COL12A1: variants seen among roughly 807,000 people sequenced by gnomAD.
COL12A1 encodes collagen alpha-1(XII) chain.
A neutral mutation model predicts 349.7 loss-of-function variants in COL12A1; 114 were observed. The observed-to-expected ratio is 0.33, with a 90% CI of 0.28 to 0.38. COL12A1 has a LOEUF of 0.38. COL12A1 is among the 10% of genes least tolerant of loss of function. The pLI is 1.00. For missense variants in COL12A1, 3,284 were observed against 3,756.9 expected, an observed-to-expected ratio of 0.87 and a Z score of 3.29; for synonymous variants, 1,369 against 1,329.0, an observed-to-expected ratio of 1.03 and a Z score of -0.66.
At chr6:75,178,029 C>T (rs1381002019) in intron 11 of COL12A1, 94 bp from the exon 12 acceptor site, 7 of 1,183,278 alleles carry the variant, frequency 5.9e-6, no homozygotes, top group Admixed American at 2.7e-5. Context: ...TAAATTATAC[C>T]ATTTCTCTAA....
Position 75,090,568 on chromosome 6 carries a change from G to C in COL12A1, c.8753-270C>G, listed in dbSNP as rs542949589. ...AAAAGAGTTGTTAAAGTTTAATATG[G>C]CTCTGAAATAAAGTCTTGAGATTTA... On this transcript the variant is annotated intron_variant, in intron 62 of 65. Transcript: ENST00000322507. This position sits in a 1 kb window ranked among gnomAD's most constrained non-coding sequence, Gnocchi z 4.1. 8.5e-5 allele frequency among the ~76,000 whole-genome samples: 13 copies of C among 152,118 alleles called. No homozygotes were observed. Among genetic ancestry groups the C allele is most frequent in the Non-Finnish European group, 1.8e-4 (12 of 68,034 alleles).
chr6:75,105,109 A>T, intron 54 of COL12A1, 97 bp downstream of exon 54: 2 of 978,910 alleles, frequency 2.0e-6, no homozygotes, highest in Non-Finnish European at 3.1e-6. Context: ...GAAAACCTGG[A>T]TGAATTGAAG....
rs911094494 is a variant in COL12A1 at position 75,178,398 on chromosome 6, C to T, written c.2165-463G>A. 5.9e-5 allele frequency among the ~76,000 whole-genome samples: 9 copies of T among 152,216 alleles called. No individual in the cohort carries two copies. In the East Asian group the frequency reaches 1.2e-3, roughly 20 times the overall value. The stretch of plus-strand genomic sequence containing the variant: ...CCCAACCAAACCGTCTTATCCAGTC[C>T]GTCCCACACTAACTTTTTATCTGTA... On this transcript the variant is annotated intron_variant, in intron 11 of 65. Transcript: ENST00000322507.
chr6:75,190,649 T>C (rs1769880924), intron 5 of COL12A1, among the ~76,000 whole-genome samples: 1 of 151,954 alleles, frequency 6.6e-6, no homozygotes. Flanking sequence ...AAATCTGTAT[T>C]TGTAATGCAA....
chr6:75,142,398 T>A (rs1228931889), intron 26 of COL12A1, among the ~76,000 whole-genome samples: 1 of 152,220 alleles, frequency 6.6e-6, no homozygotes, highest in Admixed American at 6.5e-5. Flanking sequence ...AATTACTGCC[T>A]ATGTATTCAA....
At chr6:75,137,373 G>C in intron 31 of COL12A1, 64 bp downstream of exon 31, 1 of 1,432,426 alleles carries the variant, frequency 7.0e-7, no homozygotes, top group South Asian at 1.3e-5. Flanking sequence ...GCACTGAGGG[G>C]GAAAAAGAGT....
At chr6:75,174,425 G>A (rs989116162) in intron 13 of COL12A1, among the ~76,000 whole-genome samples, 4 of 152,224 alleles carry the variant, frequency 2.6e-5, no homozygotes, top group African/African-American at 7.2e-5. Context: ...GCGTGGTGGC[G>A]GGCGCCTGTA....
chr6:75,140,856 G>A (rs1342725307), intron 27 of COL12A1, among the ~76,000 whole-genome samples: 2 of 151,956 alleles, frequency 1.3e-5, no homozygotes, highest in Non-Finnish European at 1.5e-5. Context: ...TAAATTTCTA[G>A]ACCTGTGCTG....
chr6:75,162,207 C>A (rs1768059177), intron 14 of COL12A1, among the ~76,000 whole-genome samples: 1 of 152,032 alleles, frequency 6.6e-6, no homozygotes, highest in South Asian at 2.1e-4. Context: ...ATCCTACCCA[C>A]AAAGAACAAA....
intron 32 of COL12A1, 79 bp from the exon 33 acceptor site, chr6:75,134,076 C>T: frequency 1.3e-6 from 2 of 1,487,186 alleles, no homozygotes. Flanking sequence ...TGATATCTCC[C>T]AGGCACCCTA....
intron 5 of COL12A1, among the ~76,000 whole-genome samples, chr6:75,190,685 T>C (rs1238621211): frequency 6.6e-6 from 1 of 151,920 alleles, no homozygotes; most frequent in African/African-American, 2.4e-5. Flanking sequence ...CTGATGATGA[T>C]TTTGTTCTTG....
At chr6:75,159,347 A>C (rs1015723032) in intron 14 of COL12A1, among the ~76,000 whole-genome samples, 1 of 149,590 alleles carries the variant, frequency 6.7e-6, no homozygotes, top group Non-Finnish European at 1.5e-5. Flanking sequence ...AAATTTATTT[A>C]GATTAATCAT....
intron 5 of COL12A1, 74 bp downstream of exon 5, chr6:75,191,627 A>G: frequency 1.0e-6 from 1 of 964,514 alleles, no homozygotes; most frequent in South Asian, 1.8e-5. Context: ...CTATGTATAT[A>G]ATTGGAACAT....
intron 54 of COL12A1, 143 bp downstream of exon 54, chr6:75,105,063 A>G: frequency 1.7e-6 from 1 of 579,358 alleles, no homozygotes; most frequent in South Asian, 2.8e-5. Context: ...CAAATATACT[A>G]AAAAGATGGT....
chr6:75,189,938 G>C, intron 5 of COL12A1, 123 bp from the exon 6 acceptor site: 1 of 1,044,440 alleles, frequency 9.6e-7, no homozygotes, highest in Non-Finnish European at 1.4e-6. Context: ...TTCACCAATT[G>C]TTCTTCACCC....
At position 75,087,817 on chromosome 6, in the gene COL12A1, T is replaced by A. The variant is rs1582026246; in HGVS notation, c.9011-70A>T. On this transcript the variant is annotated intron_variant, in intron 64 of 65. Coordinates refer to ENST00000322507, the MANE Select transcript of COL12A1 (RefSeq NM_004370.6). ...CAACTCCTGAGGTAGCCACCAATAC[T>A]TTAAGTGGCACCTCCACTGTCTCAA... is the stretch of plus-strand genomic sequence containing the variant. 6 of 1,480,570 alleles carry A rather than the reference T, an allele frequency of 4.1e-6. No individual in the cohort carries two copies. The East Asian group carries it at 1.2e-4, about 29-fold the overall frequency. 91.7% of individuals were successfully genotyped at this position (1,480,570 alleles called of 1,614,324 possible). A position where few individuals can be genotyped will look rare whatever the true frequency, so the allele number is the denominator to read the frequency against.
intron 56 of COL12A1, among the ~76,000 whole-genome samples, chr6:75,102,339 A>G (rs1198694854): frequency 6.6e-6 from 1 of 152,238 alleles, no homozygotes; most frequent in Non-Finnish European, 1.5e-5. Flanking sequence ...AGTTTAACAT[A>G]GGGGATATCT....
rs1766809028 is a variant in COL12A1, at chr6:75,139,926, A to G, written c.4958-965T>C. The stretch of plus-strand genomic sequence containing the variant: ...TCTCTATTTTCTGGTAACCAAAGCT[A>G]ATTACACAAACCCCAGAGCCATTAA... On this transcript the variant is annotated intron_variant, in intron 27 of 65. Coordinates refer to ENST00000322507, the MANE Select transcript of COL12A1 (RefSeq NM_004370.6). Among the ~76,000 whole-genome samples, 4 of 152,178 alleles carry G rather than the reference A, an allele frequency of 2.6e-5. No individual in the cohort carries two copies. In the South Asian group the frequency reaches 8.3e-4, roughly 32 times the overall value.
chr6:75,139,485 C>T (rs1269749676), intron 27 of COL12A1, among the ~76,000 whole-genome samples: 1 of 152,156 alleles, frequency 6.6e-6, no homozygotes, highest in African/African-American at 2.4e-5. Context: ...CCAAAGGAAA[C>T]AGTTTCATTT....
Sources: allele counts gnomAD v4.1 joint callset (sites outside exome capture counted in the v4.1 genomes callset), GRCh38; gene constraint gnomAD v4.1.1; non-coding constraint Gnocchi (gnomAD v3.1); transcripts MANE v1.5; gene names NCBI Gene and HGNC (gene_info 2026-07-23, HGNC 2026-07-21).